The following ESRRG variants were observed in gnomAD, a reference collection of about 807,000 sequenced individuals.
ESRRG encodes the protein estrogen-related receptor gamma.
Under a neutral mutation model 44.0 loss-of-function variants are expected in ESRRG, and 13 were observed. The ratio of observed to expected loss-of-function variants is 0.30; its 90% CI spans 0.19 to 0.47. ESRRG has a LOEUF of 0.47. Among genes scored for constraint, ESRRG ranks in the 20% least tolerant of loss-of-function variants. The probability of loss-of-function intolerance (pLI) is 1.00; values close to 1 mark genes in which losing one functional copy is unlikely to be tolerated. For synonymous variants in ESRRG, 215 were observed against 214.6 expected, an observed-to-expected ratio of 1.00 and a Z score of -0.02; for missense variants, 395 against 580.6, an observed-to-expected ratio of 0.68 and a Z score of 3.29.
At chr1:216,982,066 T>A (rs568839193) in intron 1 of ESRRG, among the ~76,000 whole-genome samples, 1 of 152,312 alleles carries the variant, frequency 6.6e-6, no homozygotes, top group Non-Finnish European at 1.5e-5. Flanking sequence ...TTTCTCCTCC[T>A]TCCTTCAGAG....
chr1:216,832,312 C>T (rs2095499719), intron 2 of ESRRG, among the ~76,000 whole-genome samples: 1 of 152,126 alleles, frequency 6.6e-6, no homozygotes, highest in Non-Finnish European at 1.5e-5. Flanking sequence ...GAATTCCTTG[C>T]TCAACATTGA....
At chr1:216,911,171 A>G (rs1394363297) in intron 2 of ESRRG, among the ~76,000 whole-genome samples, 1 of 152,214 alleles carries the variant, frequency 6.6e-6, no homozygotes, top group Admixed American at 6.5e-5. Context: ...AAACTTGCTC[A>G]CAGATGTTTA....
At chr1:217,021,411 G>T (rs1211333562) in intron 1 of ESRRG, among the ~76,000 whole-genome samples, 2 of 152,158 alleles carry the variant, frequency 1.3e-5, no homozygotes, top group Non-Finnish European at 2.9e-5. Context: ...CAAAGCCATG[G>T]ACTCTCGTTG....
intron 2 of ESRRG, among the ~76,000 whole-genome samples, chr1:216,878,209 T>C (rs1261774995): frequency 6.6e-6 from 1 of 152,200 alleles, no homozygotes; most frequent in Non-Finnish European, 1.5e-5. Context: ...GCTATTTCTT[T>C]AGGATTCCTC....
chr1:216,877,450 C>T (rs1221190381), intron 2 of ESRRG, among the ~76,000 whole-genome samples: 2 of 151,148 alleles, frequency 1.3e-5, no homozygotes, highest in Admixed American at 1.3e-4. Flanking sequence ...GTCACCCAGG[C>T]TGGAGTGCAA....
intron 5 of ESRRG, among the ~76,000 whole-genome samples, chr1:216,552,298 C>G (rs1208664395): frequency 6.6e-6 from 1 of 152,050 alleles, no homozygotes; most frequent in Admixed American, 6.6e-5. Context: ...ATAGTATACT[C>G]TTTTCTGAAA....
At chr1:217,072,704 G>T (rs1024855437) in intron 1 of ESRRG, among the ~76,000 whole-genome samples, 2 of 134,176 alleles carry the variant, frequency 1.5e-5, no homozygotes, top group Non-Finnish European at 3.2e-5. Context: ...AACTGGGGGT[G>T]TGTGTGTTTT....
intron 2 of ESRRG, among the ~76,000 whole-genome samples, chr1:216,850,246 A>G (rs1234029909): frequency 6.6e-6 from 1 of 152,156 alleles, no homozygotes; most frequent in East Asian, 1.9e-4. Context: ...AATGGTGAAA[A>G]TATTTGTTAA....
intron 1 of ESRRG, among the ~76,000 whole-genome samples, chr1:217,081,670 C>G (rs2091780228): frequency 6.6e-6 from 1 of 152,148 alleles, no homozygotes. Context: ...ATCCCACCTC[C>G]AGGCCTCAAA....
chr1:216,860,188 C>T (rs973679930), intron 2 of ESRRG, among the ~76,000 whole-genome samples: 2 of 152,164 alleles, frequency 1.3e-5, no homozygotes, highest in African/African-American at 2.4e-5. Flanking sequence ...TTGCTTAAAC[C>T]TGGGAGGCAG....
chr1:216,551,048 C>T (rs1477173493), intron 5 of ESRRG, among the ~76,000 whole-genome samples: 1 of 152,136 alleles, frequency 6.6e-6, no homozygotes, highest in Non-Finnish European at 1.5e-5. Context: ...TCTCAAAACA[C>T]TTCTTCAAGA....
intron 2 of ESRRG, chr1:216,939,465 A>G (rs952183431): frequency 6.6e-6 from 1 of 151,994 alleles, no homozygotes; most frequent in Non-Finnish European, 1.5e-5. Context: ...CAACACCACA[A>G]TAGTAGTCAA....
At chr1:217,062,446 G>C (rs1326334120) in intron 1 of ESRRG, among the ~76,000 whole-genome samples, 1 of 152,182 alleles carries the variant, frequency 6.6e-6, no homozygotes, top group Non-Finnish European at 1.5e-5. Context: ...TTTCGGTGCA[G>C]TGAGGGGTTT....
At chr1:217,044,270 A>C (rs967233861) in intron 1 of ESRRG, among the ~76,000 whole-genome samples, 1 of 152,114 alleles carries the variant, frequency 6.6e-6, no homozygotes, top group East Asian at 1.9e-4. Context: ...GTGACTAGCC[A>C]CTGCACATTA....
At chr1:216,814,726 C>T (rs1246557377) in intron 2 of ESRRG, among the ~76,000 whole-genome samples, 1 of 152,112 alleles carries the variant, frequency 6.6e-6, no homozygotes, top group Non-Finnish European at 1.5e-5. Flanking sequence ...ATTTCTCTGC[C>T]TTTTTCTGTC....
intron 1 of ESRRG, among the ~76,000 whole-genome samples, chr1:217,011,774 G>A (rs1333375297): frequency 1.3e-5 from 2 of 152,074 alleles, no homozygotes; most frequent in Non-Finnish European, 2.9e-5. Context: ...TTCAGGCTGC[G>A]ATTGCCTTCC....
chr1:217,033,954 G>A (rs1029673956), intron 1 of ESRRG, among the ~76,000 whole-genome samples: 22 of 152,166 alleles, frequency 1.4e-4, no homozygotes, highest in African/African-American at 5.1e-4. Flanking sequence ...TGGAGCCGAG[G>A]CCTCCATCTC....
chr1:216,946,683 AC>A (rs201916203), intron 1 of ESRRG, among the ~76,000 whole-genome samples: 2,769 of 151,756 alleles, frequency 0.018, 41 homozygotes, highest in Non-Finnish European at 0.028. Context: ...AACACAGACC[AC>A]CCTCCCCCCA....
chr1:216,767,571 T>TAA (rs1276589750), intron 2 of ESRRG, among the ~76,000 whole-genome samples: 10 of 152,192 alleles, frequency 6.6e-5, no homozygotes, highest in African/African-American at 2.4e-4. Flanking sequence ...AGCCTTTGAT[T>TAA]GCTACTAGTA....
Sources: allele counts gnomAD v4.1 joint callset (sites outside exome capture counted in the v4.1 genomes callset), GRCh38; gene constraint gnomAD v4.1.1; transcripts MANE v1.5; gene names NCBI Gene and HGNC (gene_info 2026-07-23, HGNC 2026-07-21).